Variants in ATXN7L1 observed in about 807,000 individuals in gnomAD.
ATXN7L1 encodes ataxin 7 like 1.
In ATXN7L1, 15 loss-of-function variants were observed where a neutral mutation model predicts 70.8. The ratio of observed to expected loss-of-function variants is 0.21; its 90% CI spans 0.14 to 0.33. The LOEUF is 0.33. Ranked by LOEUF, ATXN7L1 falls within the 10% of genes least tolerant of loss-of-function variation. ATXN7L1 has a pLI of 1.00. For missense variants in ATXN7L1, 975 were observed against 1,097.1 expected (o/e 0.89, Z 1.57); for synonymous variants, 440 against 445.1 (o/e 0.99, Z 0.14).
chr7:105,628,388 A>C (rs1260965286), intron 7 of ATXN7L1, among the ~76,000 whole-genome samples: 1 of 152,214 alleles, frequency 6.6e-6, no homozygotes, highest in Non-Finnish European at 1.5e-5. Flanking sequence ...AAATAGAGTT[A>C]GTAGTACAGG....
intron 4 of ATXN7L1, among the ~76,000 whole-genome samples, chr7:105,653,018 T>C (rs1255322094): frequency 1.3e-5 from 2 of 152,206 alleles, no homozygotes; most frequent in South Asian, 2.1e-4. Context: ...ACAAAGCACA[T>C]TTTCTTTTTA....
intron 9 of ATXN7L1, among the ~76,000 whole-genome samples, chr7:105,618,568 G>A (rs1282174776): frequency 6.6e-6 from 1 of 152,116 alleles, no homozygotes; most frequent in Non-Finnish European, 1.5e-5. Context: ...GTAGCTGCCT[G>A]GGGGAGAGGA....
chr7:105,798,388 G>A (rs527849116), intron 2 of ATXN7L1, among the ~76,000 whole-genome samples: 1 of 152,188 alleles, frequency 6.6e-6, no homozygotes, highest in Non-Finnish European at 1.5e-5. Context: ...GTGTGATCCT[G>A]GGCCTGGAAG....
intron 7 of ATXN7L1, among the ~76,000 whole-genome samples, chr7:105,624,687 G>A (rs1627529): frequency 0.98 from 146,425 of 149,550 alleles, 71,761 homozygotes; most frequent in East Asian, 1. Context: ...AGCCTTGCCA[G>A]TACCTCAGGG....
chr7:105,678,508 GA>G (rs1225117377), intron 3 of ATXN7L1, among the ~76,000 whole-genome samples: 15 of 152,122 alleles, frequency 9.9e-5, no homozygotes, highest in African/African-American at 3.6e-4. Flanking sequence ...GGACAGGAAA[GA>G]AGGAAAAAAC....
chr7:105,672,083 C>T (rs182816671), intron 3 of ATXN7L1, among the ~76,000 whole-genome samples: 63 of 151,874 alleles, frequency 4.1e-4, no homozygotes, highest in Non-Finnish European at 7.5e-4. Context: ...GTCAGGAGTT[C>T]GAGACTAGCC....
chr7:105,698,677 AGAGT>A (rs1472254035), intron 3 of ATXN7L1, among the ~76,000 whole-genome samples: 1 of 152,028 alleles, frequency 6.6e-6, no homozygotes, highest in African/African-American at 2.4e-5. Context: ...ATTCTGGGGG[AGAGT>A]GAGTATCAAT....
intron 4 of ATXN7L1, among the ~76,000 whole-genome samples, chr7:105,644,893 T>A (rs1278417574): frequency 6.6e-6 from 1 of 152,322 alleles, no homozygotes; most frequent in Non-Finnish European, 1.5e-5. Context: ...AATGGATGAA[T>A]GGATAAGCAA....
intron 4 of ATXN7L1, among the ~76,000 whole-genome samples, chr7:105,655,503 G>T (rs996544136): frequency 6.6e-6 from 1 of 151,944 alleles, no homozygotes; most frequent in African/African-American, 2.4e-5. Context: ...AGAGGCAACT[G>T]CAAGAATCCT....
At chr7:105,824,901 G>C (rs865828828) in intron 2 of ATXN7L1, among the ~76,000 whole-genome samples, 2 of 143,396 alleles carry the variant, frequency 1.4e-5, no homozygotes, top group South Asian at 4.4e-4. Context: ...CAGCCTGGGC[G>C]ACAGAGTGAG....
rs1181293227 is a variant in ATXN7L1, at chr7:105,729,830, C to A, written c.355+58774G>T. Among the ~76,000 whole-genome samples the A allele has an allele frequency of 2.6e-5, 4 of 151,836 alleles. No individual in the cohort carries two copies. The East Asian group carries it at 7.7e-4, about 29-fold the overall frequency. On this transcript the variant is annotated intron_variant, in intron 3 of 11. Coordinates refer to ENST00000419735, the MANE Select transcript of ATXN7L1 (RefSeq NM_020725.2). Reference sequence around the variant, plus strand: ...TCTGCTCACTGCAAGCTCTGCCTCCCGGGTTCACGCCATTCTCCTGCCTCA... The same window carrying A: ...TCTGCTCACTGCAAGCTCTGCCTCCAGGGTTCACGCCATTCTCCTGCCTCA...
At chr7:105,615,942 G>GTGC (rs1793826834) in intron 9 of ATXN7L1, among the ~76,000 whole-genome samples, 1 of 152,168 alleles carries the variant, frequency 6.6e-6, no homozygotes, top group Admixed American at 6.5e-5. Context: ...ACAGCCTGGG[G>GTGC]TGCTGCTGCT....
intron 3 of ATXN7L1, among the ~76,000 whole-genome samples, chr7:105,766,760 G>A (rs911054613): frequency 6.6e-6 from 1 of 152,198 alleles, no homozygotes; most frequent in African/African-American, 2.4e-5. Context: ...GGACAGTGCT[G>A]GAAGAGAATC....
chr7:105,859,452 TCAA>T (rs889801979), intron 2 of ATXN7L1, among the ~76,000 whole-genome samples: 1 of 152,120 alleles, frequency 6.6e-6, no homozygotes, highest in Non-Finnish European at 1.5e-5. Context: ...GACACTTTGG[TCAA>T]CAACAGGCCC....
chr7:105,748,824 G>A (rs949026408), intron 3 of ATXN7L1, among the ~76,000 whole-genome samples: 4 of 152,218 alleles, frequency 2.6e-5, no homozygotes, highest in Non-Finnish European at 4.4e-5. Flanking sequence ...TAAGGAGATC[G>A]TCAGGTGGTC....
At chr7:105,867,801 C>A (rs1436558026) in intron 2 of ATXN7L1, among the ~76,000 whole-genome samples, 1 of 152,210 alleles carries the variant, frequency 6.6e-6, no homozygotes, top group Non-Finnish European at 1.5e-5. Context: ...TCTATCAGAG[C>A]GATTTGTCCC....
At chr7:105,864,167 C>T (rs1392824301) in intron 2 of ATXN7L1, among the ~76,000 whole-genome samples, 1 of 152,034 alleles carries the variant, frequency 6.6e-6, no homozygotes, top group Non-Finnish European at 1.5e-5. Context: ...TTAAAATGCA[C>T]GTTCCTGGTC....
chr7:105,844,581 T>C (rs1813697134), intron 2 of ATXN7L1, among the ~76,000 whole-genome samples: 1 of 152,292 alleles, frequency 6.6e-6, no homozygotes, highest in South Asian at 2.1e-4. Flanking sequence ...CTTTTTCAAC[T>C]TGATAAAGTG....
At chr7:105,803,957 G>A (rs1807194780) in intron 2 of ATXN7L1, among the ~76,000 whole-genome samples, 1 of 152,086 alleles carries the variant, frequency 6.6e-6, no homozygotes, top group East Asian at 1.9e-4. Flanking sequence ...CCCTCCACAG[G>A]TAAGGGACTG....
Sources: allele counts gnomAD v4.1 joint callset (sites outside exome capture counted in the v4.1 genomes callset), GRCh38; gene constraint gnomAD v4.1.1; transcripts MANE v1.5; gene names NCBI Gene and HGNC (gene_info 2026-07-23, HGNC 2026-07-21).